Variants in GSR observed in about 807,000 individuals in gnomAD.
GSR encodes glutathione-disulfide reductase, also known as glutathione reductase, mitochondrial.
GSR carries 48 observed loss-of-function variants against 56.5 expected under a neutral mutation model. The observed-to-expected ratio is 0.85, with a 90% CI of 0.67 to 1.08. GSR has a LOEUF of 1.08. GSR is among the 50% of genes least tolerant of loss of function. GSR has a pLI of 0.00. For missense variants in GSR, 694 were observed against 703.3 expected, an observed-to-expected ratio of 0.99 and a Z score of 0.15; for synonymous variants, 264 against 270.8, an observed-to-expected ratio of 0.97 and a Z score of 0.25.
At chr8:30,700,206 T>C (rs1478311972) in intron 5 of GSR, 71 bp from the exon 6 acceptor site, 2 of 1,111,412 alleles carry the variant, frequency 1.8e-6, no homozygotes. Flanking sequence ...CAACATTTTA[T>C]GCCAAAAACC....
chr8:30,700,875 C>T (rs1355185528), intron 5 of GSR, among the ~76,000 whole-genome samples: 1 of 152,016 alleles, frequency 6.6e-6, no homozygotes, highest in Non-Finnish European at 1.5e-5. Context: ...GAGATTGAAA[C>T]CTTTGGATAT....
chr8:30,710,102 G>A (rs1021970594), intron 2 of GSR, among the ~76,000 whole-genome samples, 200 bp from the exon 3 acceptor site: 1 of 152,068 alleles, frequency 6.6e-6, no homozygotes, highest in East Asian at 1.9e-4. Context: ...GATCACTTGA[G>A]GTCAAGAGTT....
chr8:30,722,956 C>T (rs1013463592), intron 1 of GSR, among the ~76,000 whole-genome samples: 3 of 152,166 alleles, frequency 2.0e-5, no homozygotes, highest in Non-Finnish European at 2.9e-5. Context: ...CCAACTGCTG[C>T]TGTGCAGCAT....
At chr8:30,682,859 G>A (rs529458989) in intron 10 of GSR, among the ~76,000 whole-genome samples, 5 of 149,564 alleles carry the variant, frequency 3.3e-5, no homozygotes, top group South Asian at 2.1e-4. Flanking sequence ...ACAGAGTCTC[G>A]CTCTTGTTGC....
At chr8:30,710,751 GA>G (rs1258382177) in intron 2 of GSR, among the ~76,000 whole-genome samples, 1,189 of 74,694 alleles carry the variant, frequency 0.016, 14 homozygotes, top group African/African-American at 0.059. Context: ...AAAAAGAAAA[GA>G]AAAAAAAGAA....
chr8:30,703,153 G>C lies in GSR; in HGVS notation c.580C>G (p.Pro194Ala), dbSNP rs1011568754. The change falls in exon 5 of 13, where the codon CCA becomes GCA. Residue 194 changes from proline to alanine, a missense_variant. Physicochemically the swap from Pro to Ala is conservative, Grantham distance 27 (BLOSUM62 -1). Coordinates refer to ENST00000221130, the MANE Select transcript of GSR (RefSeq NM_000637.5). ...IEVSGKKYTA[P>A]HILIATGGMP... Reference sequence around the variant, plus strand: ...CCACCTGTGGCGATCAGGATGTGTGGGGCGGTGTACTTTTTCCCACTGACC... The same window carrying C: ...CCACCTGTGGCGATCAGGATGTGTGCGGCGGTGTACTTTTTCCCACTGACC... 6.2e-7 allele frequency: 1 copy of C among 1,614,096 alleles called. No homozygotes were observed.
intron 1 of GSR, among the ~76,000 whole-genome samples, chr8:30,723,601 G>A (rs1385840275): frequency 1.3e-5 from 2 of 152,066 alleles, no homozygotes; most frequent in East Asian, 1.9e-4. Flanking sequence ...GATCAGCCTG[G>A]CCAACATGGT....
At chr8:30,720,682 G>C (rs1337633620) in intron 1 of GSR, among the ~76,000 whole-genome samples, 1 of 124,664 alleles carries the variant, frequency 8.0e-6, no homozygotes, top group Non-Finnish European at 1.8e-5. Flanking sequence ...AAAAAAAAAA[G>C]CAGTCTGTGT....
chr8:30,701,856 T>C (rs886402925), intron 5 of GSR, among the ~76,000 whole-genome samples: 3 of 143,232 alleles, frequency 2.1e-5, no homozygotes, highest in African/African-American at 7.8e-5. Flanking sequence ...AGCTAATCCA[T>C]GGAAAATTCA....
In GSR at chr8:30,684,102, G is replaced by C. The variant is rs763290797; in HGVS notation, c.1139C>G (p.Ala380Gly). The C allele has an allele frequency of 4.4e-6, 7 of 1,573,396 alleles. No homozygotes were observed. The South Asian group carries it at 6.6e-5, about 15-fold the overall frequency. ...AGAGACCTTACCTGGAGTAAGAAGA[G>C]CTTTTCCACATACATCCCCAACTGC... is the stretch of plus-strand genomic sequence containing the variant. Reference protein sequence around the residue: ...IYAVGDVCGKALLTPVAIAAG... With the variant: ...IYAVGDVCGKGLLTPVAIAAG... The change falls in exon 10 of 13, where the codon GCT becomes GGT. Residue 380 changes from alanine (A) to glycine (G), a missense_variant. By Grantham distance (60) the Ala-to-Gly change is moderately conservative. Transcript: ENST00000221130.
intron 4 of GSR, among the ~76,000 whole-genome samples, chr8:30,705,999 C>T (rs545088820): frequency 1.3e-5 from 2 of 152,034 alleles, no homozygotes; most frequent in East Asian, 3.9e-4. Context: ...ATCACAGTGG[C>T]CTAATTATCA....
intron 8 of GSR, among the ~76,000 whole-genome samples, chr8:30,692,489 C>T (rs1346046564): frequency 4.2e-5 from 6 of 141,970 alleles, no homozygotes; most frequent in Admixed American, 2.3e-4. Context: ...AGCCACCACA[C>T]CCAGACTTTT....
intron 1 of GSR, among the ~76,000 whole-genome samples, chr8:30,719,735 CCG>C (rs1804465122): frequency 6.6e-6 from 1 of 152,114 alleles, no homozygotes; most frequent in Non-Finnish European, 1.5e-5. Flanking sequence ...GATCAGTGGG[CCG>C]CCTGTTATCT....
At chr8:30,726,168 C>G (rs1258189516) in intron 1 of GSR, among the ~76,000 whole-genome samples, 1 of 152,174 alleles carries the variant, frequency 6.6e-6, no homozygotes, top group Non-Finnish European at 1.5e-5. Context: ...TCTCCATGTT[C>G]ATCTCCAAGG....
At chr8:30,701,422 T>TG (rs1803736854) in intron 5 of GSR, among the ~76,000 whole-genome samples, 1 of 151,304 alleles carries the variant, frequency 6.6e-6, no homozygotes. Flanking sequence ...GCCAAGATCC[T>TG]CCCATTGCAC....
chr8:30,696,569 G>T (rs1239675243), intron 6 of GSR, 90 bp from the exon 7 acceptor site: 5 of 857,194 alleles, frequency 5.8e-6, no homozygotes, highest in African/African-American at 3.3e-5. Flanking sequence ...ATAGTACAGA[G>T]ATTTCCCTTA....
At chr8:30,723,649 A>C (rs1804625491) in intron 1 of GSR, among the ~76,000 whole-genome samples, 1 of 151,964 alleles carries the variant, frequency 6.6e-6, no homozygotes, top group South Asian at 2.1e-4. Flanking sequence ...AAAATTTGCC[A>C]GGCGTGGTGG....
chr8:30,722,231 G>T (rs6996579), intron 1 of GSR, among the ~76,000 whole-genome samples: 16,570 of 152,138 alleles, frequency 0.11, 2,798 homozygotes, highest in African/African-American at 0.36. Context: ...AATAGCATTT[G>T]CTTGCTTTAA....
intron 1 of GSR, among the ~76,000 whole-genome samples, chr8:30,712,551 G>A (rs1013866807): frequency 1.3e-5 from 2 of 152,128 alleles, no homozygotes; most frequent in Admixed American, 6.6e-5. Flanking sequence ...GTGCATGCCT[G>A]TGGTCCCAGC....
Sources: gnomAD v4.1 joint callset for allele counts (sites outside exome capture counted in the v4.1 genomes callset) on GRCh38, gnomAD v4.1.1 for gene constraint, MANE v1.5 for transcripts, NCBI Gene and HGNC (gene_info 2026-07-23, HGNC 2026-07-21) for gene names.